Variants in TMPRSS4 observed in about 807,000 individuals in gnomAD.
TMPRSS4 encodes transmembrane protease serine 4.
In TMPRSS4, 45 loss-of-function variants were observed where a neutral mutation model predicts 56.4. That is an observed-to-expected ratio of 0.80 (90% CI 0.63 to 1.02). The LOEUF (loss-of-function observed/expected upper bound fraction) is 1.02. Among genes scored for constraint, TMPRSS4 ranks in the 50% least tolerant of loss-of-function variants. The probability of loss-of-function intolerance (pLI) is 0.00; values close to 1 mark genes in which losing one functional copy is unlikely to be tolerated. For missense variants in TMPRSS4, 546 were observed against 556.7 expected (o/e 0.98, Z 0.19); for synonymous variants, 205 against 211.0 (o/e 0.97, Z 0.25).
chr11:118,107,288 G>A (rs1249267986), intron 5 of TMPRSS4: 1 of 152,650 alleles, frequency 6.6e-6, no homozygotes, highest in African/African-American at 2.4e-5. Context: ...TCTCTAAGGG[G>A]GCCAAAAACA....
Position 118,119,117 on chromosome 11 carries a change from G to A in TMPRSS4, c.*1204G>A. Reference sequence around the variant, plus strand: ...TAGGAAACAACAGAATTCCTCAAATGCCAAAAACAAAGAAAATAGAAACCC... The same window carrying A: ...TAGGAAACAACAGAATTCCTCAAATACCAAAAACAAAGAAAATAGAAACCC... On this transcript the variant is annotated 3_prime_UTR_variant, in exon 13 of 13. Coordinates refer to ENST00000437212, the MANE Select transcript of TMPRSS4 (RefSeq NM_019894.4). The A allele has an allele frequency of 2.0e-6, 2 of 985,358 alleles. No homozygotes were observed. The highest frequency in any genetic ancestry group is 9.4e-5 in the South Asian group (2 of 21,288). 61.0% of individuals were successfully genotyped at this position (985,358 alleles called of 1,614,324 possible).
chr11:118,125,448 T>A, downstream of TMPRSS4: 1 of 437,296 alleles, frequency 2.3e-6, no homozygotes, highest in Non-Finnish European at 4.6e-6. Flanking sequence ...ACAGCCCCTG[T>A]CCCCCTTATG....
rs1946818999 is a variant in TMPRSS4, at chr11:118,103,318, G to A, written c.310+65G>A. ...CAGGAGGTCTGCTCAGGCCCCCACG[G>A]CCCACTGCATAGTATCTGCCCCCTA... is the stretch of plus-strand genomic sequence containing the variant. On this transcript the variant is annotated intron_variant, in intron 4 of 12. Coordinates refer to ENST00000437212, the MANE Select transcript of TMPRSS4 (RefSeq NM_019894.4). The A allele has an allele frequency of 6.4e-6, 10 of 1,568,786 alleles. No individual in the cohort carries two copies. The South Asian group carries it at 1.1e-4, about 17-fold the overall frequency.
intron 11 of TMPRSS4, chr11:118,115,509 T>C: frequency 1.9e-6 from 1 of 529,516 alleles, no homozygotes; most frequent in Non-Finnish European, 3.3e-6. Flanking sequence ...ATTTCAAATG[T>C]CTCTTTCACA....
Position 118,114,896 on chromosome 11 carries a change from C to T in TMPRSS4, c.978C>T (p.Ile326=). 1 of 1,606,968 alleles carries T rather than the reference C, an allele frequency of 6.2e-7. No homozygotes were observed. The highest frequency in any genetic ancestry group is 1.1e-5 in the South Asian group (1 of 89,178). Residue 326 remains isoleucine (I), a synonymous_variant, in exon 10 of 13, where the codon ATC becomes ATT. Coordinates refer to ENST00000437212, the MANE Select transcript of TMPRSS4 (RefSeq NM_019894.4). The part of the protein sequence containing the change: ...EELTPATPLW[I]IGWGFTKQNG... ...TCACTCCAGCCACCCCACTCTGGAT[C>T]ATTGGATGGGGCTTTACGAAGCAGA...
At chr11:118,085,902 C>A (rs1395793050) in intron 1 of TMPRSS4, among the ~76,000 whole-genome samples, 1 of 152,186 alleles carries the variant, frequency 6.6e-6, no homozygotes, top group African/African-American at 2.4e-5. Context: ...GAAAGCTGAG[C>A]AAAGTAGAGC....
At chr11:118,114,959 A>T in intron 10 of TMPRSS4, 32 bp downstream of exon 10, 1 of 1,569,308 alleles carries the variant, frequency 6.4e-7, no homozygotes, top group Non-Finnish European at 8.7e-7. Context: ...ACAGGGCAGG[A>T]GATGCCCTTG....
At chr11:118,124,103 G>A (rs1468479388), downstream of TMPRSS4, among the ~76,000 whole-genome samples, 1 of 152,028 alleles carries the variant, frequency 6.6e-6, no homozygotes, top group Non-Finnish European at 1.5e-5. Flanking sequence ...TACTTCAGGA[G>A]GGGCCAGGCA....
intron 5 of TMPRSS4, chr11:118,106,581 T>G (rs938527610): frequency 2.0e-5 from 3 of 151,522 alleles, no homozygotes; most frequent in Non-Finnish European, 4.4e-5. Context: ...ACCTCCCAGG[T>G]TCAAGTGATT....
chr11:118,094,705 A>G (rs1012860502), intron 1 of TMPRSS4, 111 bp from the exon 2 acceptor site: 17 of 920,964 alleles, frequency 1.8e-5, no homozygotes, highest in Middle Eastern at 2.1e-4. Context: ...GAGACCCCCA[A>G]CGTAGACTCA....
chr11:118,093,689 CA>C (rs1324156359), intron 1 of TMPRSS4, among the ~76,000 whole-genome samples: 1 of 152,170 alleles, frequency 6.6e-6, no homozygotes, highest in Non-Finnish European at 1.5e-5. Flanking sequence ...GTAAAGTACT[CA>C]AGTCTAAAGT....
At chr11:118,125,421 C>T, downstream of TMPRSS4, 1 of 452,216 alleles carries the variant, frequency 2.2e-6, no homozygotes, top group Admixed American at 2.4e-5. Context: ...TGTTTGCTTT[C>T]TCTCATTCCC....
chr11:118,085,066 G>A (rs1945438836), intron 1 of TMPRSS4, among the ~76,000 whole-genome samples: 1 of 152,274 alleles, frequency 6.6e-6, no homozygotes, highest in African/African-American at 2.4e-5. Context: ...AATGTGCACG[G>A]TGCTGAGCAG....
chr11:118,117,302 C>G lies in TMPRSS4; in HGVS notation c.1153-3C>G. 1.9e-6 allele frequency: 3 copies of G among 1,614,092 alleles called. No homozygotes were observed. Among genetic ancestry groups the G allele is most frequent in the Non-Finnish European group, 2.5e-6 (3 of 1,180,036 alleles). On this transcript the variant is annotated splice_polypyrimidine_tract_variant and splice_region_variant and intron_variant, in intron 11 of 12. Transcript: ENST00000437212. The stretch of plus-strand genomic sequence containing the variant: ...CAGCAGTCTCTGTTCTGGTCTCTCA[C>G]AGGGTGACAGTGGTGGGCCCCTGAT...
intron 11 of TMPRSS4, among the ~76,000 whole-genome samples, chr11:118,116,874 G>A (rs184110849): frequency 6.6e-6 from 1 of 152,142 alleles, no homozygotes; most frequent in East Asian, 1.9e-4. Context: ...ACTATGCCCA[G>A]CTAATTTTTG....
intron 3 of TMPRSS4, among the ~76,000 whole-genome samples, chr11:118,099,418 GA>G (rs1215171210): frequency 7.0e-6 from 1 of 142,098 alleles, no homozygotes; most frequent in African/African-American, 2.6e-5. Context: ...AATTTGAGGA[GA>G]AAAAAACAGA....
chr11:118,113,732 T>C (rs1469001131), intron 9 of TMPRSS4, among the ~76,000 whole-genome samples: 2 of 152,162 alleles, frequency 1.3e-5, no homozygotes, highest in Non-Finnish European at 2.9e-5. Flanking sequence ...GGAGACCTTT[T>C]AAAAAGATTA....
chr11:118,079,110 C>G (rs1380795821), intron 1 of TMPRSS4, among the ~76,000 whole-genome samples: 1 of 152,042 alleles, frequency 6.6e-6, no homozygotes, highest in African/African-American at 2.4e-5. Context: ...CCTGGGGCCC[C>G]AAAGGCAAGG....
chr11:118,103,305 T>C (rs375632026), intron 4 of TMPRSS4, 52 bp downstream of exon 4: 1 of 1,591,160 alleles, frequency 6.3e-7, no homozygotes, highest in Non-Finnish European at 8.6e-7. Context: ...GGAGGTCTGC[T>C]CAGGCCCCCA....
Sources: allele counts gnomAD v4.1 joint callset (sites outside exome capture counted in the v4.1 genomes callset), GRCh38; gene constraint gnomAD v4.1.1; transcripts MANE v1.5; gene names NCBI Gene and HGNC (gene_info 2026-07-23, HGNC 2026-07-21).